TULP3: variants seen among roughly 807,000 people sequenced by gnomAD.
TULP3 encodes the protein TUB like protein 3.
In TULP3, 38 loss-of-function variants were observed where a neutral mutation model predicts 50.7. That is an observed-to-expected ratio of 0.75 (90% CI 0.58 to 0.98). TULP3 has a LOEUF of 0.98. Ranked by LOEUF, TULP3 falls within the 50% of genes least tolerant of loss-of-function variation. TULP3 has a pLI of 0.00. For missense variants in TULP3, 550 were observed against 568.0 expected, an observed-to-expected ratio of 0.97 and a Z score of 0.32; for synonymous variants, 183 against 196.6, an observed-to-expected ratio of 0.93 and a Z score of 0.58.
intron 1 of TULP3, among the ~76,000 whole-genome samples, chr12:2,893,786 T>G (rs1343576828): frequency 6.6e-6 from 1 of 151,694 alleles, no homozygotes; most frequent in Non-Finnish European, 1.5e-5. Context: ...AATAGAGAAA[T>G]TATTAACTAC....
intron 1 of TULP3, among the ~76,000 whole-genome samples, chr12:2,901,412 C>T (rs567228605): frequency 6.9e-6 from 1 of 143,990 alleles, no homozygotes; most frequent in Non-Finnish European, 1.5e-5. Context: ...GACAGAGTAT[C>T]ACTCTGTTGC....
chr12:2,912,420 A>G (rs955779400), intron 2 of TULP3, among the ~76,000 whole-genome samples: 2 of 152,204 alleles, frequency 1.3e-5, no homozygotes, highest in Non-Finnish European at 2.9e-5. Flanking sequence ...TGCCCAAGGG[A>G]TACAGTGCAC....
rs111416138 is a variant in TULP3, at chr12:2,933,767, A to G, written c.809+237A>G. Among the ~76,000 whole-genome samples, 309 of 152,304 alleles carry G rather than the reference A, an allele frequency of 2.0e-3. 1 individual carries two copies. The highest frequency in any genetic ancestry group is 6.1e-3 in the African/African-American group (253 of 41,568). On this transcript the variant is annotated intron_variant, in intron 7 of 10. Coordinates refer to ENST00000448120, the MANE Select transcript of TULP3 (RefSeq NM_003324.5). The stretch of plus-strand genomic sequence containing the variant: ...GGAGTTGGAGTCCAGCCTGGCCAAC[A>G]TGGCAGAACTCCCTCTCTACTAAAA...
chr12:2,909,226 G>A (rs1236598041), intron 1 of TULP3, among the ~76,000 whole-genome samples: 1 of 152,196 alleles, frequency 6.6e-6, no homozygotes, highest in Non-Finnish European at 1.5e-5. Flanking sequence ...TGTGTTCAGA[G>A]CATAATGCGT....
intron 4 of TULP3, among the ~76,000 whole-genome samples, chr12:2,926,007 T>C (rs1779737846): frequency 6.6e-6 from 1 of 152,192 alleles, no homozygotes; most frequent in Non-Finnish European, 1.5e-5. Context: ...TTCTAAGAAG[T>C]GTCAGTTTGG....
At chr12:2,894,287 C>T (rs1191141091) in intron 1 of TULP3, among the ~76,000 whole-genome samples, 1 of 4,118 alleles carries the variant, frequency 2.4e-4, no homozygotes, top group African/African-American at 3.6e-4. Flanking sequence ...GCCGAGATGG[C>T]GGGGGGGCGG....
chr12:2,937,083 C>T lies in TULP3; in HGVS notation c.925-548C>T, dbSNP rs367781480. On this transcript the variant is annotated intron_variant, in intron 8 of 10. Coordinates refer to ENST00000448120, the MANE Select transcript of TULP3 (RefSeq NM_003324.5). ...ATTGTGCCACTGCACTCCAGCCTGG[C>T]GACAGAGCGTGACTCTGTCTCAAAA... is the stretch of plus-strand genomic sequence containing the variant. Among the ~76,000 whole-genome samples, 11 of 147,756 alleles carry T rather than the reference C, an allele frequency of 7.4e-5. No homozygotes were observed. The South Asian group carries it at 1.9e-3, about 26-fold the overall frequency.
intron 2 of TULP3, among the ~76,000 whole-genome samples, chr12:2,912,291 C>T (rs1280397880): frequency 1.3e-5 from 2 of 152,100 alleles, no homozygotes; most frequent in African/African-American, 2.4e-5. Context: ...GAATCTTAAG[C>T]GTGTCTAAGT....
At chr12:2,916,890 GT>G (rs1434990602) in intron 2 of TULP3, among the ~76,000 whole-genome samples, 2 of 152,148 alleles carry the variant, frequency 1.3e-5, no homozygotes, top group Non-Finnish European at 2.9e-5. Context: ...GTCTACAGTT[GT>G]TTTTTTCTTA....
rs1458999783 is a variant in TULP3 at position 2,938,292 on chromosome 12, C to T, written c.1195+7C>T. 17 of 1,612,994 alleles carry T rather than the reference C, an allele frequency of 1.1e-5. No individual in the cohort carries two copies. Among genetic ancestry groups the T allele is most frequent in the Admixed American group, 3.3e-5 (2 of 59,908 alleles). On this transcript the variant is annotated splice_region_variant and intron_variant, in intron 10 of 10. Transcript: ENST00000448120. Reference sequence around the variant, plus strand: ...ATAGTCCACAAAAATGACCGTAAGCCTCCAGGAGGGGTTGGGTGGGAAGAG... The same window carrying T: ...ATAGTCCACAAAAATGACCGTAAGCTTCCAGGAGGGGTTGGGTGGGAAGAG...
At chr12:2,925,317 C>T (rs1389327364) in intron 4 of TULP3, among the ~76,000 whole-genome samples, 1 of 152,092 alleles carries the variant, frequency 6.6e-6, no homozygotes, top group South Asian at 2.1e-4. Flanking sequence ...TTTAGGAGAT[C>T]GTTTGACTGA....
At chr12:2,894,731 T>C (rs1024775307) in intron 1 of TULP3, among the ~76,000 whole-genome samples, 7 of 151,944 alleles carry the variant, frequency 4.6e-5, no homozygotes, top group Admixed American at 4.6e-4. Context: ...CTGTCTCTAC[T>C]AAAAATACAA....
In TULP3 at chr12:2,922,293, A is replaced by T. The variant is rs751915445; in HGVS notation, c.285A>T (p.Pro95=). The T allele has an allele frequency of 6.2e-7, 1 of 1,614,086 alleles. No individual in the cohort carries two copies. The highest frequency in any genetic ancestry group is 1.7e-5 in the Admixed American group (1 of 59,994). The change falls in exon 4 of 11, where the codon CCA becomes CCT. Residue 95 remains proline, a synonymous_variant. Coordinates refer to ENST00000448120, the MANE Select transcript of TULP3 (RefSeq NM_003324.5). The stretch of plus-strand genomic sequence containing the variant: ...ATGGTCCAGCTGCTGTCCTGAAACC[A>T]GACGAAGTTCATGCTCCATCAGTAA... ...GIDGPAAVLK[P]DEVHAPSVSS...
intron 4 of TULP3, among the ~76,000 whole-genome samples, chr12:2,929,310 C>G (rs1374634701): frequency 6.6e-6 from 1 of 151,914 alleles, no homozygotes; most frequent in African/African-American, 2.4e-5. Context: ...GAGCGAGACT[C>G]CGTCTCAAAA....
intron 5 of TULP3, 186 bp from the exon 6 acceptor site, chr12:2,930,851 T>A: frequency 1.5e-6 from 1 of 674,534 alleles, no homozygotes; most frequent in Non-Finnish European, 2.6e-6. Context: ...TTGTCCCATT[T>A]TGATACTTAC....
intron 2 of TULP3, among the ~76,000 whole-genome samples, chr12:2,914,810 T>C (rs2098187704): frequency 6.6e-6 from 1 of 151,850 alleles, no homozygotes; most frequent in Non-Finnish European, 1.5e-5. Context: ...TTTTTGTATT[T>C]TTCGTAGAGA....
chr12:2,921,423 G>C (rs1027026280), intron 3 of TULP3, among the ~76,000 whole-genome samples: 1 of 151,748 alleles, frequency 6.6e-6, no homozygotes, highest in Non-Finnish European at 1.5e-5. Flanking sequence ...TTACAGGCTT[G>C]AGCCACCATG....
intron 7 of TULP3, 83 bp from the exon 8 acceptor site, chr12:2,934,364 G>C (rs2098199865): frequency 2.4e-6 from 2 of 817,144 alleles, no homozygotes. Context: ...AGGCAAATAG[G>C]CTTCCATTTT....
At chr12:2,891,072 C>CG in intron 1 of TULP3, 84 bp downstream of exon 1, 1 of 1,398,928 alleles carries the variant, frequency 7.1e-7, no homozygotes, top group East Asian at 2.8e-5. Context: ...GGGAGCCCTG[C>CG]GGGGAGAGGG....
Sources: gnomAD v4.1 joint callset for allele counts (sites outside exome capture counted in the v4.1 genomes callset) on GRCh38, gnomAD v4.1.1 for gene constraint, MANE v1.5 for transcripts, NCBI Gene and HGNC (gene_info 2026-07-23, HGNC 2026-07-21) for gene names.